CFAP299: variants seen among roughly 807,000 people sequenced by gnomAD.
CFAP299 encodes the protein cilia- and flagella-associated protein 299.
A neutral mutation model predicts 27.0 loss-of-function variants in CFAP299; 21 were observed. That is an observed-to-expected ratio of 0.78 (90% CI 0.55 to 1.12). The LOEUF is 1.12. Ranked by LOEUF, CFAP299 falls within the 50% of genes most tolerant of loss-of-function variation. CFAP299 has a pLI of 0.00. For synonymous variants in CFAP299, 104 were observed against 98.1 expected (o/e 1.06, Z -0.36); for missense variants, 310 against 276.6 (o/e 1.12, Z -0.86).
intron 2 of CFAP299, among the ~76,000 whole-genome samples, chr4:80,538,195 A>G (rs942381811): frequency 6.6e-6 from 1 of 152,166 alleles, no homozygotes; most frequent in African/African-American, 2.4e-5. Flanking sequence ...TAGTTATTTC[A>G]AAAGTAAAAA....
At chr4:80,909,558 G>GT (rs1305633235) in intron 4 of CFAP299, among the ~76,000 whole-genome samples, 1 of 151,764 alleles carries the variant, frequency 6.6e-6, no homozygotes, top group Non-Finnish European at 1.5e-5. Flanking sequence ...TCCTGACATT[G>GT]TTTTTACTGT....
intron 3 of CFAP299, among the ~76,000 whole-genome samples, chr4:80,855,962 G>T (rs1731852353): frequency 6.6e-6 from 1 of 151,768 alleles, no homozygotes; most frequent in East Asian, 1.9e-4. Context: ...TCTAGTTCTA[G>T]ATCCCTGAGG....
In CFAP299 at chr4:80,866,059, T is replaced by TTATATATATATATATATATATATATA. The variant is rs70956073; in HGVS notation, c.334-3922_334-3897dup. Among the ~76,000 whole-genome samples the TTATATATATATATATATATATATATA allele has an allele frequency of 3.1e-4, 18 of 58,382 alleles. 3 individuals carry two copies. Among genetic ancestry groups the TTATATATATATATATATATATATATA allele is most frequent in the East Asian group, 1.1e-3 (1 of 920 alleles). The allele number at this position is 58,382 out of a possible 152,430, so 38.3% of individuals were successfully genotyped here. A position where few individuals can be genotyped will look rare whatever the true frequency, so the allele number is the denominator to read the frequency against. On this transcript the variant is annotated intron_variant, in intron 3 of 5. Coordinates refer to ENST00000358105, the MANE Select transcript of CFAP299 (RefSeq NM_152770.3). ...CTTGTGCACCGTAGAACTTAAAGTA[T>TTATATATATATATATATATATATATA]TATATATATATATATATATATATAT...
rs199960575 is a variant in CFAP299 at position 80,550,469 on chromosome 4, C to T, written c.243-32624C>T. Among the ~76,000 whole-genome samples, 6 of 152,120 alleles carry T rather than the reference C, an allele frequency of 3.9e-5. No homozygotes were observed. The East Asian group carries it at 1.2e-3, about 29-fold the overall frequency. On this transcript the variant is annotated intron_variant, in intron 2 of 5. Coordinates refer to ENST00000358105, the MANE Select transcript of CFAP299 (RefSeq NM_152770.3). ...ACTGATCTGATATAGACAAATTATGCATTTTATAGCCAAGTCTCAACTTCA... is the reference window on the plus strand; with the variant it reads ...ACTGATCTGATATAGACAAATTATGTATTTTATAGCCAAGTCTCAACTTCA...
At chr4:80,351,386 A>G (rs906071084) in intron 1 of CFAP299, among the ~76,000 whole-genome samples, 2 of 152,186 alleles carry the variant, frequency 1.3e-5, no homozygotes, top group African/African-American at 4.8e-5. Flanking sequence ...ATGGGTTCTT[A>G]TACTTGAGAT....
At chr4:80,811,589 A>G (rs758691326) in intron 3 of CFAP299, among the ~76,000 whole-genome samples, 14 of 152,096 alleles carry the variant, frequency 9.2e-5, no homozygotes, top group Non-Finnish European at 1.8e-4. Flanking sequence ...CCCTTTTACC[A>G]CAGCTGGCTG....
chr4:80,958,799 G>A (rs1738191535), intron 5 of CFAP299, among the ~76,000 whole-genome samples: 2 of 152,152 alleles, frequency 1.3e-5, no homozygotes, highest in Admixed American at 1.3e-4. Context: ...TCTGAAAGCT[G>A]TCTAACCAAT....
intron 3 of CFAP299, among the ~76,000 whole-genome samples, chr4:80,864,534 ACGT>A (rs1732599508): frequency 6.8e-6 from 1 of 147,610 alleles, no homozygotes; most frequent in Non-Finnish European, 1.5e-5. Flanking sequence ...ATATACATAT[ACGT>A]ATATATAGGT....
At chr4:80,775,072 A>T (rs1009053164) in intron 3 of CFAP299, among the ~76,000 whole-genome samples, 60 of 113,172 alleles carry the variant, frequency 5.3e-4, no homozygotes, top group Non-Finnish European at 8.8e-4. Flanking sequence ...ATAAAAAAAT[A>T]AAAAAAAAAG....
At chr4:80,420,889 C>G (rs1029756229) in intron 2 of CFAP299, among the ~76,000 whole-genome samples, 1 of 152,138 alleles carries the variant, frequency 6.6e-6, no homozygotes, top group African/African-American at 2.4e-5. Flanking sequence ...TGCTGCAGCT[C>G]CTTTCATATT....
chr4:80,908,122 C>T (rs189660472), intron 4 of CFAP299, among the ~76,000 whole-genome samples: 2 of 152,286 alleles, frequency 1.3e-5, no homozygotes, highest in African/African-American at 4.8e-5. Flanking sequence ...TGTTCATAGG[C>T]GTCTGAATTT....
chr4:80,835,708 A>G (rs1560436250), intron 3 of CFAP299, among the ~76,000 whole-genome samples: 1 of 152,198 alleles, frequency 6.6e-6, no homozygotes. Flanking sequence ...AGAGCAGCAG[A>G]GGGAAATTAA....
intron 2 of CFAP299, among the ~76,000 whole-genome samples, chr4:80,543,073 A>G (rs1218706085): frequency 1.3e-5 from 2 of 152,220 alleles, no homozygotes; most frequent in Non-Finnish European, 2.9e-5. Context: ...ACCTAGGGTT[A>G]GAGCACACAG....
chr4:80,872,234 C>T (rs1181551612), intron 4 of CFAP299: 2 of 152,078 alleles, frequency 1.3e-5, no homozygotes, highest in Non-Finnish European at 2.9e-5. Context: ...ATCTCCTGAG[C>T]TCGATCAGTA....
At chr4:80,540,417 A>G (rs1483142700) in intron 2 of CFAP299, among the ~76,000 whole-genome samples, 1 of 152,240 alleles carries the variant, frequency 6.6e-6, no homozygotes, top group African/African-American at 2.4e-5. Context: ...TCAGTAAATA[A>G]TGTTACAAGA....
intron 2 of CFAP299, among the ~76,000 whole-genome samples, chr4:80,441,161 C>T (rs1728338510): frequency 6.6e-6 from 1 of 152,156 alleles, no homozygotes; most frequent in Admixed American, 6.6e-5. Context: ...ACTTCCCCAA[C>T]CTAGCAAGAC....
chr4:80,718,140 G>C (rs1250604487), intron 3 of CFAP299, among the ~76,000 whole-genome samples: 1 of 152,058 alleles, frequency 6.6e-6, no homozygotes, highest in Non-Finnish European at 1.5e-5. Context: ...TAGTTTTTCT[G>C]AGTAGGCTGT....
intron 4 of CFAP299, among the ~76,000 whole-genome samples, chr4:80,902,584 T>TACAC (rs1273685186): frequency 1.5e-3 from 70 of 47,160 alleles, no homozygotes; most frequent in East Asian, 9.4e-3. Flanking sequence ...ATATGTAATA[T>TACAC]ATACACACAC....
intron 3 of CFAP299, among the ~76,000 whole-genome samples, chr4:80,843,394 T>C (rs1730974098): frequency 6.6e-6 from 1 of 152,226 alleles, no homozygotes; most frequent in South Asian, 2.1e-4. Context: ...TCCATGTCCC[T>C]ACAAAGGACA....
Sources: allele counts gnomAD v4.1 joint callset (sites outside exome capture counted in the v4.1 genomes callset), GRCh38; gene constraint gnomAD v4.1.1; transcripts MANE v1.5; gene names NCBI Gene and HGNC (gene_info 2026-07-23, HGNC 2026-07-21).